DIAPH3: variants seen among roughly 807,000 people sequenced by gnomAD.
DIAPH3 encodes diaphanous related formin 3, also known as protein diaphanous homolog 3.
In DIAPH3, 117 loss-of-function variants were observed where a neutral mutation model predicts 144.3. That is an observed-to-expected ratio of 0.81 (90% confidence interval 0.70 to 0.95). DIAPH3 has a LOEUF of 0.95. Among genes scored for constraint, DIAPH3 ranks in the 40% least tolerant of loss-of-function variants. The pLI, the probability that DIAPH3 is intolerant of heterozygous loss-of-function variation, is 0.00. For missense variants in DIAPH3, 1,421 were observed against 1,412.7 expected (o/e 1.01, Z -0.09); for synonymous variants, 519 against 488.9 (o/e 1.06, Z -0.81).
chr13:59,774,766 G>A lies in DIAPH3; in HGVS notation c.3221C>T (p.Ala1074Val). The change falls in exon 26 of 28, where the codon GCC (alanine) becomes GTC (valine). Residue 1074 changes from alanine to valine, a missense_variant. Physicochemically the swap from Ala to Val is moderately conservative, Grantham distance 64. Coordinates refer to ENST00000400324, the MANE Select transcript of DIAPH3 (RefSeq NM_001042517.2). ...TGTCCTTTTTCTTCTGTCGCGGAAGGCAGCCCCGGACTGCAAGGCCTCCAG... is the reference window on the plus strand; with the variant it reads ...TGTCCTTTTTCTTCTGTCGCGGAAGACAGCCCCGGACTGCAAGGCCTCCAG... ...NLLEALQSGA[A>V]FRDRRKRTPM... 6.2e-7 allele frequency: 1 copy of A among 1,614,150 alleles called. No homozygotes were observed.
intron 4 of DIAPH3, among the ~76,000 whole-genome samples, chr13:60,086,208 C>G (rs947842346): frequency 2.0e-5 from 3 of 152,076 alleles, no homozygotes; most frequent in Non-Finnish European, 4.4e-5. Context: ...ATTATCATCT[C>G]CTACCTAAAC....
At chr13:59,840,556 T>G (rs2042284503) in intron 22 of DIAPH3, among the ~76,000 whole-genome samples, 1 of 152,140 alleles carries the variant, frequency 6.6e-6, no homozygotes, top group South Asian at 2.1e-4. Flanking sequence ...TGTTTTATTG[T>G]TTTTTTAACC....
At chr13:59,973,996 T>TA (rs1313517337) in intron 15 of DIAPH3, among the ~76,000 whole-genome samples, 1 of 152,108 alleles carries the variant, frequency 6.6e-6, no homozygotes, top group East Asian at 1.9e-4. Context: ...CTGAAGGTTT[T>TA]AAAAAATAAA....
At chr13:60,113,315 TA>T (rs1252305394) in intron 2 of DIAPH3, among the ~76,000 whole-genome samples, 4 of 152,232 alleles carry the variant, frequency 2.6e-5, no homozygotes, top group Non-Finnish European at 1.5e-5. Flanking sequence ...GTATAGCCAT[TA>T]AAAACGTCTG....
At chr13:60,002,609 G>T (rs79642793) in intron 9 of DIAPH3, among the ~76,000 whole-genome samples, 1 of 152,262 alleles carries the variant, frequency 6.6e-6, no homozygotes, top group Non-Finnish European at 1.5e-5. Context: ...GTGGCAGATC[G>T]TCTAAGACCA....
chr13:59,981,199 AC>A (rs2050990541), intron 13 of DIAPH3, among the ~76,000 whole-genome samples: 2 of 151,460 alleles, frequency 1.3e-5, no homozygotes, highest in African/African-American at 4.8e-5. Context: ...CTTAAAAAAA[AC>A]AGCCAACAGT....
At chr13:59,887,420 G>T (rs551789162) in intron 20 of DIAPH3, among the ~76,000 whole-genome samples, 16 of 152,128 alleles carry the variant, frequency 1.1e-4, no homozygotes, top group African/African-American at 3.4e-4. Context: ...GAATTTGGTT[G>T]TCTTTTTCAG....
At chr13:59,733,433 G>A (rs2035985802) in intron 27 of DIAPH3, among the ~76,000 whole-genome samples, 3 of 152,102 alleles carry the variant, frequency 2.0e-5, no homozygotes, top group Admixed American at 2.0e-4. Flanking sequence ...AAAAACTAGT[G>A]TGTAACTTGT....
intron 1 of DIAPH3, among the ~76,000 whole-genome samples, chr13:60,144,371 C>G (rs1951408616): frequency 6.6e-6 from 1 of 152,148 alleles, no homozygotes; most frequent in Non-Finnish European, 1.5e-5. Flanking sequence ...TCTTTCAGCA[C>G]CAAGACTGTC....
rs561839495 is a variant in DIAPH3, at chr13:59,706,531, G to A, written c.3320-39685C>T. 3.3e-5 allele frequency among the ~76,000 whole-genome samples: 5 copies of A among 152,126 alleles called. No individual in the cohort carries two copies. The East Asian group carries it at 7.7e-4, about 23-fold the overall frequency. The stretch of plus-strand genomic sequence containing the variant: ...CTACGAAACTGAAAGCTGGCTGCTC[G>A]TAAAGGTGATTAAGTTACTCTAATA... On this transcript the variant is annotated intron_variant, in intron 27 of 27. Transcript: ENST00000400324.
chr13:59,808,556 A>G (rs2040308790), intron 25 of DIAPH3, among the ~76,000 whole-genome samples: 1 of 152,154 alleles, frequency 6.6e-6, no homozygotes, highest in Non-Finnish European at 1.5e-5. Flanking sequence ...ATCCTTTTCT[A>G]TTCCATGTCC....
At chr13:59,938,677 T>C (rs1367040207) in intron 17 of DIAPH3, among the ~76,000 whole-genome samples, 1 of 152,044 alleles carries the variant, frequency 6.6e-6, no homozygotes, top group Non-Finnish European at 1.5e-5. Context: ...ACCATCTAAC[T>C]GCAACCCAAA....
At chr13:59,977,378 C>G (rs1000016943) in intron 14 of DIAPH3, among the ~76,000 whole-genome samples, 1 of 151,752 alleles carries the variant, frequency 6.6e-6, no homozygotes, top group Non-Finnish European at 1.5e-5. Context: ...TGAGAACAAA[C>G]TGAAGGGGAT....
At chr13:59,850,165 A>AT (rs2042879712) in intron 22 of DIAPH3, among the ~76,000 whole-genome samples, 1 of 152,046 alleles carries the variant, frequency 6.6e-6, no homozygotes, top group South Asian at 2.1e-4. Flanking sequence ...TTGTACATTG[A>AT]TTTTGTATCC....
chr13:59,769,146 C>G (rs2037996947), intron 27 of DIAPH3, among the ~76,000 whole-genome samples: 1 of 152,014 alleles, frequency 6.6e-6, no homozygotes, highest in Non-Finnish European at 1.5e-5. Flanking sequence ...ATCTGTGGAG[C>G]CTTTATCACA....
chr13:59,767,935 T>A (rs1291588013), intron 27 of DIAPH3, among the ~76,000 whole-genome samples: 1 of 152,200 alleles, frequency 6.6e-6, no homozygotes, highest in Non-Finnish European at 1.5e-5. Context: ...TGCCAAAAGG[T>A]TGTCCTGCCC....
intron 17 of DIAPH3, among the ~76,000 whole-genome samples, chr13:59,927,330 A>G (rs977594702): frequency 3.9e-5 from 6 of 152,178 alleles, no homozygotes; most frequent in Admixed American, 2.6e-4. Flanking sequence ...AAGGTCATTA[A>G]TGGGTTAGCA....
At chr13:60,129,993 C>T (rs2059099254) in intron 2 of DIAPH3, among the ~76,000 whole-genome samples, 1 of 152,054 alleles carries the variant, frequency 6.6e-6, no homozygotes, top group African/African-American at 2.4e-5. Context: ...TGCAGCAGGT[C>T]AACATACTTA....
chr13:59,882,768 AT>A (rs1311857309), intron 20 of DIAPH3, among the ~76,000 whole-genome samples: 1 of 152,226 alleles, frequency 6.6e-6, no homozygotes, highest in Non-Finnish European at 1.5e-5. Context: ...TATCCTTTAA[AT>A]CTATTGTTAC....
Sources: gnomAD v4.1 joint callset for allele counts (sites outside exome capture counted in the v4.1 genomes callset) on GRCh38, gnomAD v4.1.1 for gene constraint, MANE v1.5 for transcripts, NCBI Gene and HGNC (gene_info 2026-07-23, HGNC 2026-07-21) for gene names.